VRK2: variants seen among roughly 807,000 people sequenced by gnomAD.
VRK2 encodes the protein VRK serine/threonine kinase 2, also known as serine/threonine-protein kinase VRK2.
In VRK2, 60 loss-of-function variants were observed where a neutral mutation model predicts 57.6. The ratio of observed to expected loss-of-function variants is 1.04; its 90% confidence interval spans 0.85 to 1.29. The LOEUF (loss-of-function observed/expected upper bound fraction) is 1.29. Among genes scored for constraint, VRK2 ranks in the 50% most tolerant of loss-of-function variants. The pLI is 0.00. For missense variants in VRK2, 705 were observed against 588.1 expected, an observed-to-expected ratio of 1.20 and a Z score of -2.06; for synonymous variants, 231 against 199.2, an observed-to-expected ratio of 1.16 and a Z score of -1.35.
chr2:57,914,706 T>C (rs933503699), intron 1 of VRK2, among the ~76,000 whole-genome samples: 8 of 152,156 alleles, frequency 5.3e-5, no homozygotes, highest in Non-Finnish European at 8.8e-5. Flanking sequence ...AAAGAATAAT[T>C]TGTGGTTGTG....
intron 1 of VRK2, among the ~76,000 whole-genome samples, chr2:57,924,502 A>T (rs1421184278): frequency 6.6e-6 from 1 of 151,640 alleles, no homozygotes. Context: ...TAATTTCTTG[A>T]CTCCTTTCTC....
At chr2:58,026,480 T>C (rs1021512933) in intron 2 of VRK2, among the ~76,000 whole-genome samples, 1 of 152,184 alleles carries the variant, frequency 6.6e-6, no homozygotes, top group African/African-American at 2.4e-5. Context: ...TATGCAATTA[T>C]GAAAAATAAG....
Position 58,107,889 on chromosome 2 carries a change from G to A in VRK2, c.544-15212G>A, listed in dbSNP as rs1240905148. Among the ~76,000 whole-genome samples, 5 of 152,010 alleles carry A rather than the reference G, an allele frequency of 3.3e-5. 1 individual carries two copies. Among genetic ancestry groups the A allele is most frequent in the South Asian group, 4.2e-4 (2 of 4,814 alleles). On this transcript the variant is annotated intron_variant, in intron 7 of 12. Transcript: ENST00000340157. ...TTATATCAACGTCGTATCAAGCATTGAGAAATGCTTCCATTTGAGCCAGTC... is the reference window on the plus strand; with the variant it reads ...TTATATCAACGTCGTATCAAGCATTAAGAAATGCTTCCATTTGAGCCAGTC...
At chr2:57,982,474 G>C (rs1209825653) in intron 1 of VRK2, among the ~76,000 whole-genome samples, 2 of 152,196 alleles carry the variant, frequency 1.3e-5, no homozygotes, top group Admixed American at 1.3e-4. Flanking sequence ...GAAGGCTGCA[G>C]GCAGGTGCTT....
intron 8 of VRK2, among the ~76,000 whole-genome samples, chr2:58,126,039 G>C (rs1678289040): frequency 1.3e-5 from 2 of 151,712 alleles, no homozygotes; most frequent in African/African-American, 4.8e-5. Context: ...ATATTCATGT[G>C]TTTACTTTCA....
In VRK2 at chr2:58,159,311, G is replaced by A. The variant is rs199954173; in HGVS notation, c.1183-38G>A. On this transcript the variant is annotated intron_variant, in intron 12 of 12. Coordinates refer to ENST00000340157, the MANE Select transcript of VRK2 (RefSeq NM_006296.7). The stretch of plus-strand genomic sequence containing the variant: ...CAAAATAAATACTTGGATAACTCAC[G>A]TCTAACAAACTAAACTATATATGTA... 56 of 1,479,308 alleles carry A rather than the reference G, an allele frequency of 3.8e-5. No individual in the cohort carries two copies. The Admixed American group carries it at 4.6e-4, about 12-fold the overall frequency. 91.6% of individuals were successfully genotyped at this position (1,479,308 alleles called of 1,614,324 possible).
At chr2:58,026,512 A>C (rs1673931383) in intron 2 of VRK2, among the ~76,000 whole-genome samples, 1 of 152,166 alleles carries the variant, frequency 6.6e-6, no homozygotes, top group African/African-American at 2.4e-5. Context: ...ATAATGTGGA[A>C]TTCTTAGATG....
At chr2:57,911,061 C>T (rs1320768625) in intron 1 of VRK2, among the ~76,000 whole-genome samples, 4 of 148,154 alleles carry the variant, frequency 2.7e-5, no homozygotes, top group African/African-American at 7.5e-5. Context: ...TTAAACATTT[C>T]TCAACGGAGC....
chr2:58,116,841 C>T (rs964152381), intron 7 of VRK2, among the ~76,000 whole-genome samples: 2 of 152,188 alleles, frequency 1.3e-5, no homozygotes, highest in African/African-American at 2.4e-5. Context: ...TGCAGGCATT[C>T]CTTGGCCTGG....
intron 2 of VRK2, among the ~76,000 whole-genome samples, chr2:58,076,412 A>G (rs1202633295): frequency 6.6e-6 from 1 of 152,052 alleles, no homozygotes; most frequent in African/African-American, 2.4e-5. Flanking sequence ...CTCTTGTAAG[A>G]GTATCATACC....
chr2:57,985,460 T>C (rs998189095), intron 1 of VRK2, among the ~76,000 whole-genome samples: 1 of 152,090 alleles, frequency 6.6e-6, no homozygotes, highest in African/African-American at 2.4e-5. Flanking sequence ...TCTCCAGTCC[T>C]CCCCAGAGCC....
intron 1 of VRK2, among the ~76,000 whole-genome samples, chr2:57,968,575 C>T (rs1472804677): frequency 6.6e-6 from 1 of 152,006 alleles, no homozygotes; most frequent in Non-Finnish European, 1.5e-5. Flanking sequence ...TTTTTATACC[C>T]AAGCAAGCTG....
intron 1 of VRK2, among the ~76,000 whole-genome samples, chr2:58,017,044 C>T (rs141313294): frequency 2.0e-5 from 3 of 152,086 alleles, no homozygotes; most frequent in Non-Finnish European, 4.4e-5. Flanking sequence ...TTTTTTTGTA[C>T]CTTTATTTTA....
chr2:58,019,613 G>A (rs568038528), intron 1 of VRK2, among the ~76,000 whole-genome samples: 2 of 152,226 alleles, frequency 1.3e-5, no homozygotes, highest in South Asian at 4.1e-4. Context: ...TCTTAGTTCT[G>A]GTGTAAACTC....
chr2:58,096,113 A>G (rs1673089518), intron 7 of VRK2, among the ~76,000 whole-genome samples: 1 of 152,094 alleles, frequency 6.6e-6, no homozygotes, highest in Non-Finnish European at 1.5e-5. Flanking sequence ...CTAATATTGA[A>G]CCAACCTTTT....
At chr2:58,056,418 C>T (rs1454619251) in intron 2 of VRK2, among the ~76,000 whole-genome samples, 1 of 152,106 alleles carries the variant, frequency 6.6e-6, no homozygotes, top group Non-Finnish European at 1.5e-5. Flanking sequence ...ATACAGTCCT[C>T]GGAAAACACA....
At chr2:57,990,800 T>C (rs982823062) in intron 1 of VRK2, among the ~76,000 whole-genome samples, 5 of 152,088 alleles carry the variant, frequency 3.3e-5, no homozygotes, top group African/African-American at 1.2e-4. Context: ...GGGAAAAGAC[T>C]CAGTATGTAA....
Position 57,922,454 on chromosome 2 carries a change from TTGTGTGTGTGTGTG to T in VRK2, c.-439+14636_-439+14649del, listed in dbSNP as rs59731064. ...ACCATCACCTCACATAGTTACCTTCTTGTGTGTGTGTGTGTGTGTGTGTGTGTGTGTGTGATGAG... is the reference window on the plus strand; with the variant it reads ...ACCATCACCTCACATAGTTACCTTCTTGTGTGTGTGTGTGTGTGTGATGAG... On this transcript the variant is annotated intron_variant, in intron 1 of 15. Coordinates refer to the VRK2 transcript ENST00000417641. Among the ~76,000 whole-genome samples, 399 of 147,058 alleles carry T rather than the reference TTGTGTGTGTGTGTG, an allele frequency of 2.7e-3. 9 individuals are homozygous for T. The East Asian group carries it at 0.067, about 25-fold the overall frequency.
chr2:58,104,218 C>G (rs1674422017), intron 7 of VRK2, among the ~76,000 whole-genome samples: 1 of 151,720 alleles, frequency 6.6e-6, no homozygotes, highest in Non-Finnish European at 1.5e-5. Flanking sequence ...CTAGAGCATT[C>G]ATGCAAGAGA....
Sources: allele counts gnomAD v4.1 joint callset (sites outside exome capture counted in the v4.1 genomes callset), GRCh38; gene constraint gnomAD v4.1.1; transcripts MANE v1.5; gene names NCBI Gene and HGNC (gene_info 2026-07-23, HGNC 2026-07-21).